Variants in ARID1B observed in about 807,000 individuals in gnomAD.
ARID1B encodes the protein AT-rich interaction domain 1B.
ARID1B carries 30 observed loss-of-function variants against 212.3 expected under a neutral mutation model. The observed-to-expected ratio is 0.14, with a 90% CI of 0.11 to 0.19. The LOEUF (loss-of-function observed/expected upper bound fraction) is 0.19. Ranked by LOEUF, ARID1B falls within the 10% of genes least tolerant of loss-of-function variation. ARID1B has a pLI of 1.00. For missense variants in ARID1B, 2,891 were observed against 3,204.0 expected (o/e 0.90, Z 2.36); for synonymous variants, 1,402 against 1,301.7 (o/e 1.08, Z -1.66).
chr6:157,177,349 T>C (rs1792163918), intron 11 of ARID1B, among the ~76,000 whole-genome samples: 1 of 152,216 alleles, frequency 6.6e-6, no homozygotes, highest in Admixed American at 6.5e-5. Context: ...ACATTATCTC[T>C]GCTATCAAAT....
intron 6 of ARID1B, among the ~76,000 whole-genome samples, chr6:157,113,719 G>A (rs1320656765): frequency 6.6e-6 from 1 of 152,138 alleles, no homozygotes; most frequent in Non-Finnish European, 1.5e-5. Flanking sequence ...GGGACACAAA[G>A]CCAAGCTATA....
chr6:156,825,231 T>TA (rs1782659928), intron 1 of ARID1B, among the ~76,000 whole-genome samples: 1 of 152,230 alleles, frequency 6.6e-6, no homozygotes, highest in Non-Finnish European at 1.5e-5. Flanking sequence ...TGTACATTTT[T>TA]AATGCTCAAA....
At chr6:156,872,148 C>G (rs1013530259) in intron 2 of ARID1B, among the ~76,000 whole-genome samples, 1 of 152,306 alleles carries the variant, frequency 6.6e-6, no homozygotes, top group East Asian at 1.9e-4. Flanking sequence ...GAGCAAGTTA[C>G]TTAAATCGTC....
chr6:156,799,445 T>C (rs962720476), intron 1 of ARID1B, among the ~76,000 whole-genome samples: 1 of 152,126 alleles, frequency 6.6e-6, no homozygotes, highest in Admixed American at 6.6e-5. Context: ...TTATGATAGA[T>C]TTTTTTTATT....
chr6:157,074,545 G>A (rs954037111), intron 4 of ARID1B, among the ~76,000 whole-genome samples: 1 of 152,158 alleles, frequency 6.6e-6, no homozygotes, highest in Non-Finnish European at 1.5e-5. Flanking sequence ...TTATTGATCA[G>A]AGTTTAAGTC....
intron 4 of ARID1B, among the ~76,000 whole-genome samples, chr6:157,012,621 A>AG (rs891417204): frequency 2.0e-5 from 3 of 152,262 alleles, no homozygotes; most frequent in African/African-American, 7.2e-5. Context: ...AGTAACACCC[A>AG]GGGGGCAAGA....
At chr6:157,123,716 T>C (rs1787936911) in intron 6 of ARID1B, among the ~76,000 whole-genome samples, 1 of 152,218 alleles carries the variant, frequency 6.6e-6, no homozygotes, top group Admixed American at 6.5e-5. Context: ...AAATAAATGG[T>C]GGATTGCATT....
At position 157,198,823 on chromosome 6, in the gene ARID1B, T is replaced by C. The variant is rs1332329031; in HGVS notation, c.4395T>C (p.Tyr1465=). The C allele has an allele frequency of 5.0e-6, 8 of 1,611,870 alleles. No individual in the cohort carries two copies. The highest frequency in any genetic ancestry group is 5.9e-6 in the Non-Finnish European group (7 of 1,179,040). Residue 1465 remains tyrosine (Y), a synonymous_variant, in exon 17 of 20, where the codon TAT becomes TAC. Transcript: ENST00000636930. ...TGCCTCATTCCAGGCATGAACCTTA[T>C]GGGCAGCAGTATCCAGGCCAAGGCC... ...GASYDRRHEP[Y]GQQYPGQGPP...
intron 4 of ARID1B, among the ~76,000 whole-genome samples, chr6:157,046,853 A>G (rs1782274368): frequency 6.6e-6 from 1 of 152,180 alleles, no homozygotes; most frequent in African/African-American, 2.4e-5. Context: ...AGAAAATGTA[A>G]CCTAAGATTT....
rs2128339809 is a variant in ARID1B at position 157,190,131 on chromosome 6, G to A, written c.4152G>A (p.Gln1384=). The A allele has an allele frequency of 1.2e-6, 2 of 1,614,162 alleles. No homozygotes were observed. Residue 1384 remains glutamine, a synonymous_variant, in exon 15 of 20, where the codon CAG becomes CAA. Coordinates refer to ENST00000636930, the MANE Select transcript of ARID1B (RefSeq NM_001374828.1). This position sits in a 1 kb window ranked among gnomAD's most constrained non-coding sequence, Gnocchi z 4.6. The part of the protein sequence containing the change: ...RNSMTPNAPY[Q]QGMSMPDVMG... ...CCATGACTCCAAACGCCCCCTACCAGCAGGGCATGAGCATGCCCGATGTGA... is the reference window on the plus strand; with the variant it reads ...CCATGACTCCAAACGCCCCCTACCAACAGGGCATGAGCATGCCCGATGTGA...
intron 6 of ARID1B, among the ~76,000 whole-genome samples, chr6:157,115,063 G>C (rs1787233680): frequency 6.6e-6 from 1 of 152,146 alleles, no homozygotes; most frequent in Non-Finnish European, 1.5e-5. Flanking sequence ...GAAGTGCCCA[G>C]CTTTCCTGAC....
At chr6:156,961,157 C>T (rs1794345536) in intron 4 of ARID1B, among the ~76,000 whole-genome samples, 1 of 152,176 alleles carries the variant, frequency 6.6e-6, no homozygotes, top group Non-Finnish European at 1.5e-5. Context: ...AAGAAGGGTG[C>T]AGCTCAGCAT....
chr6:157,176,363 A>G (rs911750918), intron 11 of ARID1B, among the ~76,000 whole-genome samples: 25 of 152,250 alleles, frequency 1.6e-4, no homozygotes, highest in African/African-American at 5.3e-4. Flanking sequence ...GGCAGCCGAC[A>G]TTGTGTTTTT....
At chr6:156,925,549 A>G (rs138411815) in intron 3 of ARID1B, among the ~76,000 whole-genome samples, 155 of 152,298 alleles carry the variant, frequency 1.0e-3, no homozygotes, top group African/African-American at 3.4e-3. Flanking sequence ...AAAAGTCTGG[A>G]AATAATTATT....
intron 2 of ARID1B, among the ~76,000 whole-genome samples, chr6:156,831,676 A>G (rs1783149704): frequency 6.6e-6 from 1 of 152,266 alleles, no homozygotes; most frequent in Non-Finnish European, 1.5e-5. Flanking sequence ...CCATTTATTT[A>G]ATCCCTGTGA....
intron 2 of ARID1B, among the ~76,000 whole-genome samples, chr6:156,890,434 A>G (rs1024124536): frequency 2.0e-5 from 3 of 152,254 alleles, no homozygotes; most frequent in Admixed American, 1.3e-4. Context: ...CCCAAATCAA[A>G]AAAGGTAAAT....
chr6:157,035,597 C>G (rs1206944069), intron 4 of ARID1B, among the ~76,000 whole-genome samples: 1 of 152,138 alleles, frequency 6.6e-6, no homozygotes, highest in Non-Finnish European at 1.5e-5. Flanking sequence ...GTCAGTGAAA[C>G]TTACAATGAT....
chr6:156,876,056 TC>T (rs1786518505), intron 2 of ARID1B, among the ~76,000 whole-genome samples: 1 of 149,840 alleles, frequency 6.7e-6, no homozygotes, highest in African/African-American at 2.6e-5. Context: ...GCATACACTG[TC>T]CTTTTTGAAG....
chr6:156,968,158 C>T (rs921531568), intron 4 of ARID1B, among the ~76,000 whole-genome samples: 7 of 152,186 alleles, frequency 4.6e-5, no homozygotes, highest in African/African-American at 2.4e-5. Context: ...CTTAACGCCT[C>T]ACCTGGGAAA....
Sources: allele counts gnomAD v4.1 joint callset (sites outside exome capture counted in the v4.1 genomes callset), GRCh38; gene constraint gnomAD v4.1.1; non-coding constraint Gnocchi (gnomAD v3.1); transcripts MANE v1.5; gene names NCBI Gene and HGNC (gene_info 2026-07-23, HGNC 2026-07-21).